Variants in C1R observed in about 807,000 individuals in gnomAD.
The protein encoded by C1R is complement C1r.
In C1R, 15 loss-of-function variants were observed where a neutral mutation model predicts 27.6. That is an observed-to-expected ratio of 0.54 (90% CI 0.36 to 0.84). C1R has a LOEUF of 0.84. C1R is among the 40% of genes least tolerant of loss of function. The probability of loss-of-function intolerance (pLI) is 0.01; values close to 1 mark genes in which losing one functional copy is unlikely to be tolerated. For synonymous variants in C1R, 253 were observed against 228.8 expected (o/e 1.11, Z -0.95); for missense variants, 544 against 577.9 (o/e 0.94, Z 0.60).
In C1R at chr12:7,088,833, C is replaced by T. The variant is rs774242060; in HGVS notation, c.916+6G>A. On this transcript the variant is annotated splice_donor_region_variant and intron_variant, in intron 6 of 10. Coordinates refer to ENST00000647956, the MANE Select transcript of C1R (RefSeq NM_001733.7). ...GCCATCGAGGGAGGCCTGCAGGGAG[C>T]CTTACTCTCGGTGGTGTAGCGCAGC... 2.6e-6 allele frequency: 2 copies of T among 771,966 alleles called. No homozygotes were observed. Among genetic ancestry groups the T allele is most frequent in the Non-Finnish European group, 4.8e-6 (2 of 413,874 alleles). 47.8% of individuals were successfully genotyped at this position (771,966 alleles called of 1,614,324 possible). A position where few individuals can be genotyped will look rare whatever the true frequency, so the allele number is the denominator to read the frequency against.
chr12:7,091,906 AC>A lies in C1R; in HGVS notation c.3-227del. 1.5e-6 allele frequency: 1 copy of A among 680,892 alleles called. No individual in the cohort carries two copies. The highest frequency in any genetic ancestry group is 2.7e-6 in the Non-Finnish European group (1 of 372,290). 42.2% of individuals were successfully genotyped at this position (680,892 alleles called of 1,614,324 possible). On this transcript the variant is annotated intron_variant, in intron 1 of 10. Transcript: ENST00000647956. This position sits in a 1 kb window ranked among gnomAD's most constrained non-coding sequence, Gnocchi z 5.1. ...CAGGGCAGTGTCCAGTCCAGAGGCC[AC>A]CACACTCCCCTCACACTCCCTTTCC...
intron 9 of C1R, among the ~76,000 whole-genome samples, chr12:7,084,966 G>A (rs1938118607): frequency 1.3e-5 from 2 of 149,026 alleles, no homozygotes; most frequent in Non-Finnish European, 3.0e-5. Flanking sequence ...GTTGGTAATG[G>A]TGATGGTGCT....
Position 7,086,386 on chromosome 12 carries a change from T to A in C1R, c.1110A>T (p.Arg370Ser). 2.5e-6 allele frequency: 1 copy of A among 398,666 alleles called. No homozygotes were observed. Among genetic ancestry groups the A allele is most frequent in the Non-Finnish European group, 4.4e-6 (1 of 226,100 alleles). The allele number at this position is 398,666 out of a possible 1,614,324, so 24.7% of individuals were successfully genotyped here. A position where few individuals can be genotyped will look rare whatever the true frequency, so the allele number is the denominator to read the frequency against. ...DDGTWHRAMP[R>S]CKIKDCGQPR... ...CCCTGAATTGTGACTTACTCTTGCA[T>A]CTGGGCATGGCACGATGCCACGTGC... Residue 370 changes from arginine (R) to serine (S), a missense_variant, in exon 8 of 11, where the codon AGA becomes AGT. Transcript: ENST00000647956.
chr12:7,083,505 T>C (rs1184654588), intron 9 of C1R, among the ~76,000 whole-genome samples: 1 of 70,880 alleles, frequency 1.4e-5, no homozygotes, highest in Non-Finnish European at 3.2e-5. Flanking sequence ...ATGGTGGTGG[T>C]GGTGATATTG....
intron 7 of C1R, chr12:7,086,955 A>C (rs1938166914): frequency 6.6e-6 from 1 of 152,498 alleles, no homozygotes. Flanking sequence ...CGCAGCTTTG[A>C]AAGGTGCTGG....
In C1R at chr12:7,089,616, T is replaced by C. The variant is rs916076749; in HGVS notation, c.542A>G (p.Glu181Gly). Residue 181 changes from glutamate (E) to glycine (G), a missense_variant, in exon 4 of 11, where the codon GAG becomes GGG. This residue lies in a region of C1R where 291 missense variants were observed against 209.0 expected (regional missense o/e 1.39). Coordinates refer to ENST00000647956, the MANE Select transcript of C1R (RefSeq NM_001733.7). Reference sequence around the variant, plus strand: ...GCAGGAATGCCTGTCTTCCTGAAGCTCATAGCCTGGACGGCAGGAACAGAA... The same window carrying C: ...GCAGGAATGCCTGTCTTCCTGAAGCCCATAGCCTGGACGGCAGGAACAGAA... ...GYFCSCRPGY[E>G]LQEDRHSCQA... 2.8e-5 allele frequency: 22 copies of C among 780,796 alleles called. No homozygotes were observed. The highest frequency in any genetic ancestry group is 4.3e-5 in the Non-Finnish European group (18 of 417,992). 48.4% of individuals were successfully genotyped at this position (780,796 alleles called of 1,614,324 possible). A position where few individuals can be genotyped will look rare whatever the true frequency, so the allele number is the denominator to read the frequency against.
intron 5 of C1R, 94 bp downstream of exon 5, chr12:7,089,199 G>T: frequency 1.4e-6 from 1 of 698,660 alleles, no homozygotes; most frequent in African/African-American, 1.7e-5. Context: ...TCCTGCCCCA[G>T]CTGGCCAGGG....
In C1R at chr12:7,089,729, A is replaced by G. The variant is rs377259241; in HGVS notation, c.429T>C (p.Leu143=). 3.8e-6 allele frequency: 3 copies of G among 780,670 alleles called. No individual in the cohort carries two copies. The highest frequency in any genetic ancestry group is 1.7e-5 in the African/African-American group (1 of 59,242). The allele number at this position is 780,670 out of a possible 1,614,324, so 48.4% of individuals were successfully genotyped here. A position where few individuals can be genotyped will look rare whatever the true frequency, so the allele number is the denominator to read the frequency against. ...ATTTGCTCCGGGAAGCACATTCATC[A>G]AGGTCTGGAAGGCATTCAGGAAGGA... is the stretch of plus-strand genomic sequence containing the variant. ...GFLAYYQAVD[L]DECASRSKSG... is the part of the protein sequence containing the mutation. Residue 143 remains leucine (L), a synonymous_variant, in exon 4 of 11, where the codon CTT becomes CTC. Coordinates refer to ENST00000647956, the MANE Select transcript of C1R (RefSeq NM_001733.7).
intron 9 of C1R, among the ~76,000 whole-genome samples, chr12:7,085,398 T>C (rs1342993757): frequency 6.6e-6 from 1 of 151,114 alleles, no homozygotes; most frequent in Non-Finnish European, 1.5e-5. Context: ...GTGGCATCGG[T>C]GTTAGTAATG....
At position 7,082,124 on chromosome 12, in the gene C1R, A is replaced by C; in HGVS notation, c.1274-18T>G. The C allele has an allele frequency of 7.1e-7, 1 of 1,417,508 alleles. No individual in the cohort carries two copies. The highest frequency in any genetic ancestry group is 9.6e-7 in the Non-Finnish European group (1 of 1,037,680). 87.8% of individuals were successfully genotyped at this position (1,417,508 alleles called of 1,614,324 possible). ...GTACACCCCTGAGGGCAGAGGAGGC[A>C]AGAATCAAGTTGGGGGGTGATGGGT... On this transcript the variant is annotated intron_variant, in intron 9 of 10. Coordinates refer to ENST00000647956, the MANE Select transcript of C1R (RefSeq NM_001733.7).
intron 5 of C1R, 146 bp from the exon 6 acceptor site, chr12:7,089,132 C>T (rs1222792284): frequency 1.6e-6 from 1 of 631,848 alleles, no homozygotes. Context: ...AAGGGATCCC[C>T]ATGACCCAAT....
rs770884337 is a variant in C1R, at chr12:7,088,832, G to T, written c.916+7C>A. On this transcript the variant is annotated splice_region_variant and intron_variant, in intron 6 of 10. Coordinates refer to ENST00000647956, the MANE Select transcript of C1R (RefSeq NM_001733.7). ...GGCCATCGAGGGAGGCCTGCAGGGAGCCTTACTCTCGGTGGTGTAGCGCAG... is the reference window on the plus strand; with the variant it reads ...GGCCATCGAGGGAGGCCTGCAGGGATCCTTACTCTCGGTGGTGTAGCGCAG... The T allele has an allele frequency of 1.3e-6, 1 of 772,312 alleles. No individual in the cohort carries two copies. Among genetic ancestry groups the T allele is most frequent in the Non-Finnish European group, 2.4e-6 (1 of 413,864 alleles). 47.8% of individuals were successfully genotyped at this position (772,312 alleles called of 1,614,324 possible).
In C1R at chr12:7,081,018, C is replaced by T. The variant is rs200397273; in HGVS notation, c.1632G>A (p.Pro544=). The part of the protein sequence containing the change: ...NHPIRRVSVH[P]DYRQDESYNF... ...TGTAGGACTCATCCTGACGGTAGTC[C>T]GGGTGGACGCTGACCCTGCGGATGG... The change falls in exon 11 of 11, where the codon CCG becomes CCA. Residue 544 remains proline (P), a synonymous_variant. Coordinates refer to ENST00000647956, the MANE Select transcript of C1R (RefSeq NM_001733.7). 44 of 1,613,864 alleles carry T rather than the reference C, an allele frequency of 2.7e-5. No individual in the cohort carries two copies. Among genetic ancestry groups the T allele is most frequent in the African/African-American group, 2.5e-4 (19 of 74,918 alleles).
rs1407446708 is a variant in C1R at position 7,089,317 on chromosome 12, T to C, written c.744A>G (p.Val248=). ...CCTGTAGCTGGTCATAGGGGCAGTG[T>C]ACTTGCTGGTGGTCATCAATATCAA... ...EPFDIDDHQQ[V]HCPYDQLQIY... is the part of the protein sequence containing the mutation. The change falls in exon 5 of 11, where the codon GTA becomes GTG. Residue 248 remains valine, a synonymous_variant. Coordinates refer to ENST00000647956, the MANE Select transcript of C1R (RefSeq NM_001733.7). 3 of 780,382 alleles carry C rather than the reference T, an allele frequency of 3.8e-6. No homozygotes were observed. The highest frequency in any genetic ancestry group is 4.8e-5 in the East Asian group (2 of 41,244). The allele number at this position is 780,382 out of a possible 1,614,324, so 48.3% of individuals were successfully genotyped here.
chr12:7,088,868 C>A lies in C1R; in HGVS notation c.887G>T (p.Arg296Leu). The A allele has an allele frequency of 1.3e-6, 1 of 775,658 alleles. No homozygotes were observed. The highest frequency in any genetic ancestry group is 2.4e-5 in the East Asian group (1 of 41,150). 48.0% of individuals were successfully genotyped at this position (775,658 alleles called of 1,614,324 possible). The change falls in exon 6 of 11, where the codon CGG (arginine) becomes CTG (leucine). Residue 296 changes from arginine (R) to leucine (L), a missense_variant. Arg to Leu is a moderately radical substitution (Grantham distance 102). Around this residue, in one of 2 missense-constraint regions of C1R, gnomAD observed 291 missense variants for 209.0 expected, o/e 1.39. Transcript: ENST00000647956. ...GGTGGTGTAGCGCAGCTTCCAGCCC[C>A]GGCTGTCCCCCGACTCATCTGTGAA... ...LFFTDESGDSRGWKLRYTTEI... is the reference protein window; with the variant it reads ...LFFTDESGDSLGWKLRYTTEI...
In C1R at chr12:7,091,624, G is replaced by C. The variant is rs746632733; in HGVS notation, c.59C>G (p.Pro20Arg). The change falls in exon 2 of 11, where the codon CCC (proline) becomes CGC (arginine). Residue 20 changes from proline to arginine, a missense_variant. By Grantham distance (103) the Pro-to-Arg change is moderately radical. Around this residue, in one of 2 missense-constraint regions of C1R, gnomAD observed 291 missense variants for 209.0 expected, o/e 1.39. Coordinates refer to ENST00000647956, the MANE Select transcript of C1R (RefSeq NM_001733.7). This position sits in a 1 kb window ranked among gnomAD's most constrained non-coding sequence, Gnocchi z 5.1. ...ALFCRAGGSI[P>R]IPQKLFGEVT... ...CTCCCCAAATAACTTCTGAGGGATGGGAATGGAGCCTCCTGCCCTGCAGAA... is the reference window on the plus strand; with the variant it reads ...CTCCCCAAATAACTTCTGAGGGATGCGAATGGAGCCTCCTGCCCTGCAGAA... 2.6e-6 allele frequency: 2 copies of C among 761,668 alleles called. No individual in the cohort carries two copies. Among genetic ancestry groups the C allele is most frequent in the Non-Finnish European group, 4.9e-6 (2 of 408,732 alleles). 47.2% of individuals were successfully genotyped at this position (761,668 alleles called of 1,614,324 possible).
chr12:7,080,784 G>T lies in C1R; in HGVS notation c.1866C>A (p.Asn622Lys), dbSNP rs145532189. ...LPVANPQACE[N>K]WLRGKNRMDV... ...CCATCCTATTCTTTCCCCGGAGCCA[G>T]TTCTCACAGGCCTGTGGATTAGCTA... The change falls in exon 11 of 11, where the codon AAC becomes AAA. Residue 622 changes from asparagine to lysine, a missense_variant. Asn to Lys is a moderately conservative substitution (Grantham distance 94). Around this residue, in one of 2 missense-constraint regions of C1R, gnomAD observed 253 missense variants for 368.9 expected, o/e 0.69. Coordinates refer to ENST00000647956, the MANE Select transcript of C1R (RefSeq NM_001733.7). This position sits in a 1 kb window ranked among gnomAD's most constrained non-coding sequence, Gnocchi z 4.9. 2 of 1,614,006 alleles carry T rather than the reference G, an allele frequency of 1.2e-6. No homozygotes were observed. The highest frequency in any genetic ancestry group is 1.7e-6 in the Non-Finnish European group (2 of 1,179,890).
chr12:7,083,371 G>A (rs1938100103), intron 9 of C1R, among the ~76,000 whole-genome samples: 1 of 152,268 alleles, frequency 6.6e-6, no homozygotes, highest in African/African-American at 2.4e-5. Context: ...TAATGATGGT[G>A]GTGACAGTGG....
chr12:7,090,333 G>T lies in C1R; in HGVS notation c.232-85C>A, dbSNP rs146676945. The T allele has an allele frequency of 1.7e-3, 1,102 of 655,882 alleles. 22 individuals are homozygous for T. In the East Asian group the frequency reaches 0.026, roughly 15 times the overall value. The allele number at this position is 655,882 out of a possible 1,614,324, so 40.6% of individuals were successfully genotyped here. A position where few individuals can be genotyped will look rare whatever the true frequency, so the allele number is the denominator to read the frequency against. On this transcript the variant is annotated intron_variant, in intron 2 of 10. Transcript: ENST00000647956. ...GCTCAGTGATGGTCCTCCTTGTCTCGCCCAGAGTGCATCATGCACCACAAT... is the reference window on the plus strand; with the variant it reads ...GCTCAGTGATGGTCCTCCTTGTCTCTCCCAGAGTGCATCATGCACCACAAT...
Sources: allele counts gnomAD v4.1 joint callset (sites outside exome capture counted in the v4.1 genomes callset), GRCh38; gene constraint gnomAD v4.1.1; regional missense constraint gnomAD v4.1.1; non-coding constraint Gnocchi (gnomAD v3.1); transcripts MANE v1.5; gene names NCBI Gene and HGNC (gene_info 2026-07-23, HGNC 2026-07-21).